RANBP2: variants seen among roughly 807,000 people sequenced by gnomAD.
The protein encoded by RANBP2 is E3 SUMO-protein ligase RanBP2.
Under a neutral mutation model 303.6 loss-of-function variants are expected in RANBP2, and 57 were observed. That is an observed-to-expected ratio of 0.19 (90% CI 0.15 to 0.23). The LOEUF (loss-of-function observed/expected upper bound fraction) is 0.23. Among genes scored for constraint, RANBP2 ranks in the 10% least tolerant of loss-of-function variants. The probability of loss-of-function intolerance (pLI) is 1.00; values close to 1 mark genes in which losing one functional copy is unlikely to be tolerated. For missense variants in RANBP2, 3,138 were observed against 3,780.8 expected (o/e 0.83, Z 4.46); for synonymous variants, 1,167 against 1,301.5 (o/e 0.90, Z 2.23).
the RANBP2 span, among the ~76,000 whole-genome samples, chr2:109,669,306 C>A: frequency 3.3e-5 from 5 of 152,072 alleles, no homozygotes; most frequent in Non-Finnish European, 7.4e-5. Context: ...TCACAGGCGA[C>A]CAAAGCAAAA....
chr2:109,287,024 A>C, the RANBP2 span, among the ~76,000 whole-genome samples: 1 of 152,130 alleles, frequency 6.6e-6, no homozygotes, highest in South Asian at 2.1e-4. Context: ...TCAGCTCTGC[A>C]CTGCTCTTCC....
At chr2:109,292,025 A>C in the RANBP2 span, among the ~76,000 whole-genome samples, 31 of 152,156 alleles carry the variant, frequency 2.0e-4, no homozygotes, top group Non-Finnish European at 3.8e-4. Flanking sequence ...CACCACGCCC[A>C]GCTAATTTTT....
the RANBP2 span, among the ~76,000 whole-genome samples, chr2:109,762,439 T>TA: frequency 6.7e-6 from 1 of 149,722 alleles, no homozygotes; most frequent in Non-Finnish European, 1.5e-5. Context: ...AGGAAGAACT[T>TA]ACTGTTTCGG....
chr2:109,438,693 A>G, the RANBP2 span, among the ~76,000 whole-genome samples: 1 of 152,192 alleles, frequency 6.6e-6, no homozygotes, highest in Non-Finnish European at 1.5e-5. Context: ...GCCGTCCTTC[A>G]GCATGGTTTA....
chr2:109,170,910 T>A, the RANBP2 span, among the ~76,000 whole-genome samples: 1 of 152,096 alleles, frequency 6.6e-6, no homozygotes, highest in African/African-American at 2.4e-5. Context: ...ATAAATCACC[T>A]CACTAAGCAG....
the RANBP2 span, among the ~76,000 whole-genome samples, chr2:109,285,952 G>A: frequency 6.6e-6 from 1 of 152,160 alleles, no homozygotes; most frequent in Non-Finnish European, 1.5e-5. Flanking sequence ...TCTGCCCTGG[G>A]TTCTGAGGGT....
the RANBP2 span, among the ~76,000 whole-genome samples, chr2:109,456,347 C>T: frequency 3.9e-5 from 6 of 152,222 alleles, no homozygotes; most frequent in African/African-American, 7.2e-5. Context: ...CCAGCATGTG[C>T]GGCTGAAAAT....
At chr2:108,910,040 C>T in the RANBP2 span, among the ~76,000 whole-genome samples, 1 of 152,234 alleles carries the variant, frequency 6.6e-6, no homozygotes, top group Admixed American at 6.5e-5. Flanking sequence ...GCACCAAATG[C>T]TGTTAGCCGT....
the RANBP2 span, among the ~76,000 whole-genome samples, chr2:109,229,191 A>G: frequency 6.6e-6 from 1 of 152,188 alleles, no homozygotes; most frequent in African/African-American, 2.4e-5. Flanking sequence ...CAAAGACCAA[A>G]TATGTATTTT....
At chr2:108,734,174 G>A (rs1695387330) in intron 4 of RANBP2, among the ~76,000 whole-genome samples, 2 of 151,582 alleles carry the variant, frequency 1.3e-5, no homozygotes, top group South Asian at 4.2e-4. Context: ...GTAGTAATGG[G>A]CGGCTTGGTC....
At chr2:109,733,182 A>T in the RANBP2 span, 1 of 125,500 alleles carries the variant, frequency 8.0e-6, no homozygotes, top group Non-Finnish European at 2.0e-5. Context: ...GGTCAAATGA[A>T]AAAAAAAAAA....
the RANBP2 span, among the ~76,000 whole-genome samples, chr2:109,480,373 C>T: frequency 6.6e-6 from 1 of 152,186 alleles, no homozygotes; most frequent in African/African-American, 2.4e-5. Context: ...AGACATAAGG[C>T]ATTTGTTCAA....
the RANBP2 span, among the ~76,000 whole-genome samples, chr2:108,980,722 C>A: frequency 6.6e-6 from 1 of 151,974 alleles, no homozygotes; most frequent in Admixed American, 6.6e-5. Flanking sequence ...CATCTTGGGC[C>A]AGCGCGTTTT....
chr2:109,355,443 G>A, the RANBP2 span, among the ~76,000 whole-genome samples: 8 of 152,284 alleles, frequency 5.3e-5, no homozygotes, highest in East Asian at 1.5e-3. Flanking sequence ...TGTAAATAAA[G>A]TTTTATTGGT....
chr2:108,860,828 G>A, the RANBP2 span, among the ~76,000 whole-genome samples: 1 of 151,240 alleles, frequency 6.6e-6, no homozygotes, highest in African/African-American at 2.4e-5. Context: ...AATGAGTTAG[G>A]GAGGAGTCCC....
At chr2:109,085,924 T>G in the RANBP2 span, among the ~76,000 whole-genome samples, 1 of 152,172 alleles carries the variant, frequency 6.6e-6, no homozygotes, top group Admixed American at 6.5e-5. Flanking sequence ...CATTTTTAAG[T>G]GCACAGTTCC....
chr2:108,966,525 G>C, the RANBP2 span, among the ~76,000 whole-genome samples: 1 of 152,202 alleles, frequency 6.6e-6, no homozygotes, highest in East Asian at 1.9e-4. Context: ...CATACCCTGT[G>C]CTCTTTCAAC....
chr2:109,325,169 G>A, the RANBP2 span, among the ~76,000 whole-genome samples: 1 of 152,002 alleles, frequency 6.6e-6, no homozygotes, highest in Non-Finnish European at 1.5e-5. Flanking sequence ...CAACTCACTG[G>A]TCTTTAATTT....
chr2:108,833,973 C>T, the RANBP2 span, among the ~76,000 whole-genome samples: 1 of 140,840 alleles, frequency 7.1e-6, no homozygotes, highest in Non-Finnish European at 1.5e-5. Context: ...GTCTCTATCT[C>T]CTGATCTCAT....
Sources: allele counts gnomAD v4.1 joint callset (sites outside exome capture counted in the v4.1 genomes callset), GRCh38; gene constraint gnomAD v4.1.1; transcripts MANE v1.5; gene names NCBI Gene and HGNC (gene_info 2026-07-23, HGNC 2026-07-21).